Variants in CAMTA1 observed in about 807,000 individuals in gnomAD.
CAMTA1 encodes calmodulin binding transcription activator 1, also known as calmodulin-binding transcription activator 1.
In CAMTA1, 27 loss-of-function variants were observed where a neutral mutation model predicts 170.9. That is an observed-to-expected ratio of 0.16 (90% CI 0.12 to 0.22). CAMTA1 has a LOEUF of 0.22. Ranked by LOEUF, CAMTA1 falls within the 10% of genes least tolerant of loss-of-function variation. The pLI is 1.00. For missense variants in CAMTA1, 1,619 were observed against 2,217.2 expected (o/e 0.73, Z 5.42); for synonymous variants, 833 against 891.5 (o/e 0.93, Z 1.17).
At chr1:7,457,087 A>G (rs2693954) in intron 5 of CAMTA1, among the ~76,000 whole-genome samples, 1 of 110,776 alleles carries the variant, frequency 9.0e-6, no homozygotes, top group Non-Finnish European at 1.8e-5. Flanking sequence ...CCCTGCGCCA[A>G]CGTGCCCCTC....
chr1:7,586,626 G>C (rs747101029), intron 6 of CAMTA1, among the ~76,000 whole-genome samples: 3 of 152,162 alleles, frequency 2.0e-5, no homozygotes, highest in Non-Finnish European at 2.9e-5. Flanking sequence ...CAGCTCACCA[G>C]CTGGGCAACA....
intron 3 of CAMTA1, among the ~76,000 whole-genome samples, chr1:7,077,804 A>G (rs1299351451): frequency 1.3e-5 from 2 of 152,120 alleles, no homozygotes; most frequent in Non-Finnish European, 2.9e-5. Flanking sequence ...CAAAATGCCC[A>G]CTTCTGCTGT....
At position 7,580,924 on chromosome 1, in the gene CAMTA1, C is replaced by T. The variant is rs2095255371; in HGVS notation, c.511-59476C>T. Among the ~76,000 whole-genome samples the T allele has an allele frequency of 6.6e-6, 1 of 152,224 alleles. No individual in the cohort carries two copies. Among genetic ancestry groups the T allele is most frequent in the Admixed American group, 6.5e-5 (1 of 15,286 alleles). ...ACATGACCTCGCTGGGCCTCAGTTTCCTCATCTGTAAATGGGATAATAATA... is the reference window on the plus strand; with the variant it reads ...ACATGACCTCGCTGGGCCTCAGTTTTCTCATCTGTAAATGGGATAATAATA... On this transcript the variant is annotated intron_variant, in intron 6 of 22. Coordinates refer to ENST00000303635, the MANE Select transcript of CAMTA1 (RefSeq NM_015215.4). The surrounding 1 kb of genome is among the most constrained non-coding windows in gnomAD (Gnocchi z 4.3).
chr1:7,157,149 C>T (rs1271616487), intron 4 of CAMTA1, among the ~76,000 whole-genome samples: 4 of 151,964 alleles, frequency 2.6e-5, no homozygotes, highest in African/African-American at 4.8e-5. Context: ...CGAGACCATC[C>T]TGGCTAACAC....
At chr1:7,524,225 A>G (rs566484803) in intron 6 of CAMTA1, among the ~76,000 whole-genome samples, 5 of 152,024 alleles carry the variant, frequency 3.3e-5, no homozygotes, top group Admixed American at 1.3e-4. Flanking sequence ...ACAAAAAAGA[A>G]TTTCATTTTC....
In CAMTA1 at chr1:7,561,618, A is replaced by C. The variant is rs769470734; in HGVS notation, c.511-78782A>C. Among the ~76,000 whole-genome samples the C allele has an allele frequency of 1.1e-3, 165 of 152,116 alleles. 1 individual carries two copies. Among genetic ancestry groups the C allele is most frequent in the Non-Finnish European group, 3.1e-4 (21 of 67,966 alleles). On this transcript the variant is annotated intron_variant, in intron 6 of 22. Coordinates refer to ENST00000303635, the MANE Select transcript of CAMTA1 (RefSeq NM_015215.4). This position sits in a 1 kb window ranked among gnomAD's most constrained non-coding sequence, Gnocchi z 5.3. Reference sequence around the variant, plus strand: ...GGGCGGCTTGCGCAGCACCCTCTGCAGGCAGAGCTGGTTACATGCAGCAGT... The same window carrying C: ...GGGCGGCTTGCGCAGCACCCTCTGCCGGCAGAGCTGGTTACATGCAGCAGT...
chr1:7,241,850 T>G (rs11800898), intron 4 of CAMTA1, among the ~76,000 whole-genome samples: 24,104 of 152,108 alleles, frequency 0.16, 5,663 homozygotes, highest in African/African-American at 0.51. Context: ...ATAAAAGATA[T>G]AGAAGAAGAC....
At chr1:7,166,219 A>G (rs1648391124) in intron 4 of CAMTA1, among the ~76,000 whole-genome samples, 1 of 152,056 alleles carries the variant, frequency 6.6e-6, no homozygotes, top group Non-Finnish European at 1.5e-5. Flanking sequence ...GGTGCCCACC[A>G]CCATGCCCAG....
chr1:7,097,991 C>T (rs1402405600), intron 4 of CAMTA1, among the ~76,000 whole-genome samples: 3 of 152,120 alleles, frequency 2.0e-5, no homozygotes, highest in African/African-American at 7.2e-5. Context: ...GAAAGTGGTA[C>T]ATTTTATGTT....
rs1573135588 is a variant in CAMTA1 at position 7,110,514 on chromosome 1, A to G, written c.302+19143A>G. On this transcript the variant is annotated intron_variant, in intron 4 of 22. Coordinates refer to ENST00000303635, the MANE Select transcript of CAMTA1 (RefSeq NM_015215.4). ...CCTTGCCTTCTGCTGCTTCATTTAA[A>G]TGAATCTGCGATGAATTATTCAGCC... Among the ~76,000 whole-genome samples, 3 of 152,344 alleles carry G rather than the reference A, an allele frequency of 2.0e-5. No homozygotes were observed. In the South Asian group the frequency reaches 6.2e-4, roughly 32 times the overall value.
chr1:7,653,486 C>G (rs1336140649), intron 7 of CAMTA1, among the ~76,000 whole-genome samples: 1 of 152,152 alleles, frequency 6.6e-6, no homozygotes, highest in Non-Finnish European at 1.5e-5. Context: ...TGGTCTCAAA[C>G]TCCTGGGCTC....
intron 22 of CAMTA1, among the ~76,000 whole-genome samples, chr1:7,758,904 C>T (rs1159589479): frequency 5.6e-5 from 8 of 143,402 alleles, no homozygotes; most frequent in African/African-American, 2.1e-4. Context: ...CACTGCAGTC[C>T]GGCCTGGGCA....
In CAMTA1 at chr1:7,063,857, G is replaced by C. The variant is rs892609668; in HGVS notation, c.235-27447G>C. ...GAAGTTCATATTTTGTTGGGGGAGA[G>C]AGAAAAATAAATTCATGTACTAGTC... On this transcript the variant is annotated intron_variant, in intron 3 of 22. Coordinates refer to ENST00000303635, the MANE Select transcript of CAMTA1 (RefSeq NM_015215.4). The surrounding 1 kb of genome is among the most constrained non-coding windows in gnomAD (Gnocchi z 4.3). Among the ~76,000 whole-genome samples the C allele has an allele frequency of 3.3e-5, 5 of 152,178 alleles. No homozygotes were observed. The highest frequency in any genetic ancestry group is 1.2e-4 in the African/African-American group (5 of 41,452).
chr1:7,491,906 A>T (rs12095468), intron 6 of CAMTA1, among the ~76,000 whole-genome samples: 2 of 152,200 alleles, frequency 1.3e-5, no homozygotes, highest in African/African-American at 4.8e-5. Context: ...CCGACGAAAC[A>T]AAGACCCATG....
At chr1:7,108,528 C>A (rs548642769) in intron 4 of CAMTA1, among the ~76,000 whole-genome samples, 2 of 152,170 alleles carry the variant, frequency 1.3e-5, no homozygotes, top group African/African-American at 4.8e-5. Context: ...CCTCGACTAC[C>A]AGAAACGATT....
chr1:7,680,049 G>A lies in CAMTA1; in HGVS notation c.2914+2316G>A, dbSNP rs2096172082. The stretch of plus-strand genomic sequence containing the variant: ...GCCCAGCCTTCCCAGCCTTTCACCA[G>A]CTTGATAAATACTAAGGGAGGGGAG... On this transcript the variant is annotated intron_variant, in intron 11 of 22. Coordinates refer to ENST00000303635, the MANE Select transcript of CAMTA1 (RefSeq NM_015215.4). The surrounding 1 kb of genome is among the most constrained non-coding windows in gnomAD (Gnocchi z 4.4). 1 of 155,920 alleles carries A rather than the reference G, an allele frequency of 6.4e-6. No homozygotes were observed. Among genetic ancestry groups the A allele is most frequent in the Non-Finnish European group, 1.4e-5 (1 of 69,654 alleles). 9.7% of individuals were successfully genotyped at this position (155,920 alleles called of 1,614,324 possible).
At chr1:6,930,535 C>T (rs1031587908) in intron 3 of CAMTA1, among the ~76,000 whole-genome samples, 3 of 152,188 alleles carry the variant, frequency 2.0e-5, no homozygotes, top group East Asian at 1.9e-4. Flanking sequence ...CCTGGGTTTG[C>T]GCGCATGTGA....
At chr1:6,920,480 T>C (rs541250557) in intron 3 of CAMTA1, among the ~76,000 whole-genome samples, 1 of 152,308 alleles carries the variant, frequency 6.6e-6, no homozygotes, top group African/African-American at 2.4e-5. Flanking sequence ...TCAGTGGATC[T>C]GCCATTCTGG....
At chr1:7,301,589 G>T (rs945190466) in intron 5 of CAMTA1, among the ~76,000 whole-genome samples, 1 of 152,098 alleles carries the variant, frequency 6.6e-6, no homozygotes, top group African/African-American at 2.4e-5. Flanking sequence ...TGTTCATGTT[G>T]GATGTAACCA....
Sources: gnomAD v4.1 joint callset for allele counts (sites outside exome capture counted in the v4.1 genomes callset) on GRCh38, gnomAD v4.1.1 for gene constraint, Gnocchi (gnomAD v3.1) non-coding constraint, MANE v1.5 for transcripts, NCBI Gene and HGNC (gene_info 2026-07-23, HGNC 2026-07-21) for gene names.